Variants in NUS1 observed in about 807,000 individuals in gnomAD.
NUS1 encodes dehydrodolichyl diphosphate synthase complex subunit NUS1.
For missense variants in NUS1, 292 were observed against 382.9 expected (o/e 0.76, Z 1.98); for synonymous variants, 135 against 155.2 (o/e 0.87, Z 0.97).
chr6:117,700,328 A>T (rs1582475239), intron 3 of NUS1, among the ~76,000 whole-genome samples: 1 of 152,242 alleles, frequency 6.6e-6, no homozygotes, highest in Non-Finnish European at 1.5e-5. Context: ...AAATAGGCAA[A>T]AGATCTGAAT....
At chr6:117,706,016 T>G (rs566726235) in intron 4 of NUS1, among the ~76,000 whole-genome samples, 5 of 152,272 alleles carry the variant, frequency 3.3e-5, no homozygotes, top group Admixed American at 6.5e-5. Context: ...TTTTTTGTGG[T>G]GCATGTGACT....
At chr6:117,700,729 C>T (rs1263071765) in intron 3 of NUS1, among the ~76,000 whole-genome samples, 3 of 152,026 alleles carry the variant, frequency 2.0e-5, no homozygotes, top group Admixed American at 6.6e-5. Flanking sequence ...GCAGATGAAT[C>T]GATAAAGAAA....
Position 117,708,929 on chromosome 6 carries a change from T to G in NUS1, c.*1914T>G, listed in dbSNP as rs370838019. ...GTCAAATAAATTACCTACTGGAATATAGCCCAAGCCAGTAAAGGTTTAATA... is the reference window on the plus strand; with the variant it reads ...GTCAAATAAATTACCTACTGGAATAGAGCCCAAGCCAGTAAAGGTTTAATA... On this transcript the variant is annotated 3_prime_UTR_variant, in exon 5 of 5. Coordinates refer to ENST00000368494, the MANE Select transcript of NUS1 (RefSeq NM_138459.5). 30 of 152,282 alleles carry G rather than the reference T, an allele frequency of 2.0e-4. No individual in the cohort carries two copies. The highest frequency in any genetic ancestry group is 5.2e-4 in the Admixed American group (8 of 15,292). The allele number at this position is 152,282 out of a possible 1,614,324, so 9.4% of individuals were successfully genotyped here. A position where few individuals can be genotyped will look rare whatever the true frequency, so the allele number is the denominator to read the frequency against.
intron 3 of NUS1, among the ~76,000 whole-genome samples, chr6:117,696,470 A>G (rs1466170665): frequency 6.6e-6 from 1 of 152,130 alleles, no homozygotes; most frequent in Non-Finnish European, 1.5e-5. Context: ...GCATTTAATA[A>G]TCAAACTATG....
intron 3 of NUS1, among the ~76,000 whole-genome samples, chr6:117,700,456 G>T (rs1389108068): frequency 6.6e-6 from 1 of 152,200 alleles, no homozygotes; most frequent in Non-Finnish European, 1.5e-5. Context: ...TTGTAAAATG[G>T]CTTTTTTCTA....
At chr6:117,686,855 T>A (rs1443095665) in intron 1 of NUS1, among the ~76,000 whole-genome samples, 1 of 4,840 alleles carries the variant, frequency 2.1e-4, no homozygotes, top group African/African-American at 6.3e-4. Flanking sequence ...AGTGTGTATG[T>A]GTGTGTGTGT....
At chr6:117,684,657 C>T (rs534257056) in intron 1 of NUS1, among the ~76,000 whole-genome samples, 248 of 152,312 alleles carry the variant, frequency 1.6e-3, no homozygotes, top group African/African-American at 5.7e-3. Context: ...CTTCATGTTA[C>T]GGCCACTGCT....
intron 1 of NUS1, among the ~76,000 whole-genome samples, chr6:117,678,143 A>T (rs1562173857): frequency 6.6e-6 from 1 of 152,244 alleles, no homozygotes; most frequent in Admixed American, 6.5e-5. Context: ...AAAAGGAAGA[A>T]GTAAGCTAAG....
chr6:117,697,226 A>AG (rs1773332658), intron 3 of NUS1, among the ~76,000 whole-genome samples: 1 of 152,082 alleles, frequency 6.6e-6, no homozygotes, highest in South Asian at 2.1e-4. Flanking sequence ...CTTTCCTAAA[A>AG]GGAGGACAGG....
At chr6:117,687,768 T>C (rs1023157486) in intron 1 of NUS1, among the ~76,000 whole-genome samples, 16 of 152,200 alleles carry the variant, frequency 1.1e-4, no homozygotes, top group Non-Finnish European at 5.9e-5. Flanking sequence ...AATGTTAATG[T>C]TGGGCTGAGC....
chr6:117,700,753 C>T (rs188785285), intron 3 of NUS1, among the ~76,000 whole-genome samples: 31 of 152,246 alleles, frequency 2.0e-4, no homozygotes, highest in Non-Finnish European at 1.8e-4. Context: ...TACATATGGA[C>T]CACAGAGTAG....
chr6:117,675,522 G>C lies in NUS1; in HGVS notation c.-149G>C. 1 of 724,972 alleles carries C rather than the reference G, an allele frequency of 1.4e-6. No homozygotes were observed. The highest frequency in any genetic ancestry group is 2.6e-5 in the Admixed American group (1 of 37,900). The allele number at this position is 724,972 out of a possible 1,614,324, so 44.9% of individuals were successfully genotyped here. ...AGGAGGAAGATGGCGGCGGGGGCGAGGTGAGGTGTTGGCAGTGGAAAGGGG... is the reference window on the plus strand; with the variant it reads ...AGGAGGAAGATGGCGGCGGGGGCGACGTGAGGTGTTGGCAGTGGAAAGGGG... On this transcript the variant is annotated 5_prime_UTR_variant, in exon 1 of 5. Transcript: ENST00000368494.
At chr6:117,696,164 C>T (rs932222750) in intron 3 of NUS1, among the ~76,000 whole-genome samples, 3 of 151,936 alleles carry the variant, frequency 2.0e-5, no homozygotes, top group Non-Finnish European at 4.4e-5. Context: ...GCATCAGAGT[C>T]TCTTAATAGC....
chr6:117,677,502 A>G (rs1023227360), intron 1 of NUS1, among the ~76,000 whole-genome samples: 2 of 152,244 alleles, frequency 1.3e-5, no homozygotes, highest in African/African-American at 2.4e-5. Flanking sequence ...GAAGAAAACA[A>G]AAGTTTTATT....
At chr6:117,680,381 G>A (rs770144823) in intron 1 of NUS1, among the ~76,000 whole-genome samples, 8 of 152,184 alleles carry the variant, frequency 5.3e-5, no homozygotes, top group Non-Finnish European at 8.8e-5. Context: ...CTCACATGCA[G>A]GTACACTTGG....
Position 117,694,179 on chromosome 6 carries a change from T to C in NUS1, c.690T>C (p.Leu230=), listed in dbSNP as rs1773283642. 2 of 1,577,598 alleles carry C rather than the reference T, an allele frequency of 1.3e-6. No homozygotes were observed. The highest frequency in any genetic ancestry group is 1.7e-6 in the Non-Finnish European group (2 of 1,163,464). ...DLDVDTLASL[L]SSNGCPDPDL... ...ATGTAGATACGTTAGCCAGTTTACT[T>C]AGTAAGTTTTTTTATATATATATAC... The change falls in exon 3 of 5, where the codon CTT becomes CTC. Residue 230 remains leucine (L), a splice_region_variant and synonymous_variant. Coordinates refer to ENST00000368494, the MANE Select transcript of NUS1 (RefSeq NM_138459.5).
chr6:117,701,963 C>G (rs941397581), intron 3 of NUS1, among the ~76,000 whole-genome samples: 1 of 152,018 alleles, frequency 6.6e-6, no homozygotes, highest in African/African-American at 2.4e-5. Context: ...TCCATGATTT[C>G]TGGTATTGGA....
intron 3 of NUS1, among the ~76,000 whole-genome samples, chr6:117,700,440 A>T (rs1001879821): frequency 6.6e-6 from 1 of 152,232 alleles, no homozygotes. Flanking sequence ...CTACAATAAC[A>T]TATTATTGTA....
chr6:117,679,742 G>A (rs1400436544), intron 1 of NUS1, among the ~76,000 whole-genome samples: 1 of 152,134 alleles, frequency 6.6e-6, no homozygotes, highest in Non-Finnish European at 1.5e-5. Flanking sequence ...CCAGAGACTT[G>A]GCCAAAGGCT....
Sources: gnomAD v4.1 joint callset for allele counts (sites outside exome capture counted in the v4.1 genomes callset) on GRCh38, gnomAD v4.1.1 for gene constraint, MANE v1.5 for transcripts, NCBI Gene and HGNC (gene_info 2026-07-23, HGNC 2026-07-21) for gene names.